The following BRSK2 variants were observed in gnomAD, a reference collection of about 807,000 sequenced individuals.
BRSK2 encodes serine/threonine-protein kinase BRSK2.
Under a neutral mutation model 83.3 loss-of-function variants are expected in BRSK2, and 19 were observed. The observed-to-expected ratio is 0.23, with a 90% confidence interval of 0.16 to 0.33. The LOEUF is 0.33. Ranked by LOEUF, BRSK2 falls within the 10% of genes least tolerant of loss-of-function variation. BRSK2 has a pLI of 1.00. For missense variants in BRSK2, 798 were observed against 1,042.3 expected (o/e 0.77, Z 3.23); for synonymous variants, 519 against 435.4 (o/e 1.19, Z -2.39).
intron 12 of BRSK2, among the ~76,000 whole-genome samples, chr11:1,448,429 CCTGCCCTGG>C (rs1197067349): frequency 6.6e-6 from 1 of 152,348 alleles, no homozygotes; most frequent in East Asian, 1.9e-4. Context: ...CCTCACTCTG[CCTGCCCTGG>C]CTGCCCTCAG....
chr11:1,447,651 C>G (rs566612956), intron 12 of BRSK2: 1 of 747,892 alleles, frequency 1.3e-6, no homozygotes, highest in Non-Finnish European at 2.3e-6. Context: ...GGTGTGCTGT[C>G]TGGCCCAGCC....
rs1847557470 is a variant in BRSK2 at position 1,461,991 on chromosome 11, A to G, written c.*1268A>G. On this transcript the variant is annotated 3_prime_UTR_variant, in exon 20 of 20. Transcript: ENST00000528841. ...AGCGCCCCTCTGTCAGGCTGGGGCA[A>G]TCTTGGTTTTGTGTCCAAAGGTGAA... 6.6e-6 allele frequency: 1 copy of G among 152,028 alleles called. No homozygotes were observed. Among genetic ancestry groups the G allele is most frequent in the African/African-American group, 2.4e-5 (1 of 41,382 alleles). 9.4% of individuals were successfully genotyped at this position (152,028 alleles called of 1,614,324 possible). A position where few individuals can be genotyped will look rare whatever the true frequency, so the allele number is the denominator to read the frequency against.
rs1850629640 is a variant in BRSK2 at position 1,438,429 on chromosome 11, G to A, written c.272+38G>A. The stretch of plus-strand genomic sequence containing the variant: ...GGGTCTGAAGAGCTGGGGTGGCGGA[G>A]GTGGCAGCTGTCGCTGCAGGGGTGG... On this transcript the variant is annotated intron_variant, in intron 3 of 19. Coordinates refer to ENST00000528841, the MANE Select transcript of BRSK2 (RefSeq NM_001256627.2). The surrounding 1 kb of genome is among the most constrained non-coding windows in gnomAD (Gnocchi z 6.4). The A allele has an allele frequency of 5.6e-6, 9 of 1,593,430 alleles. No homozygotes were observed. The highest frequency in any genetic ancestry group is 1.7e-5 in the Admixed American group (1 of 59,898).
At chr11:1,456,271 G>GCCCCAGGGCTGCCTCC in intron 16 of BRSK2, 77 bp from the exon 17 acceptor site, 1 of 1,405,140 alleles carries the variant, frequency 7.1e-7, no homozygotes, top group Non-Finnish European at 9.5e-7. Flanking sequence ...GGGCTGGCTC[G>GCCCCAGGGCTGCCTCC]CCCCAGGGCT....
rs918842450 is a variant in BRSK2, at chr11:1,462,642, CTG to C, written c.*1922_*1923del. ...CCCCTGCAGTGTACCCCTGTCATAA[CTG>C]TGAGCAGCTGCAGCTCCGGAACAAT... On this transcript the variant is annotated 3_prime_UTR_variant, in exon 20 of 20. Coordinates refer to ENST00000528841, the MANE Select transcript of BRSK2 (RefSeq NM_001256627.2). The C allele has an allele frequency of 2.6e-5, 4 of 152,324 alleles. No homozygotes were observed. The highest frequency in any genetic ancestry group is 4.4e-5 in the Non-Finnish European group (3 of 68,110). 9.4% of individuals were successfully genotyped at this position (152,324 alleles called of 1,614,324 possible).
At chr11:1,398,030 C>T (rs922380556) in intron 1 of BRSK2, among the ~76,000 whole-genome samples, 3 of 152,214 alleles carry the variant, frequency 2.0e-5, no homozygotes, top group Non-Finnish European at 2.9e-5. Context: ...GCATGATCCC[C>T]GTGATACAGC....
intron 16 of BRSK2, among the ~76,000 whole-genome samples, 173 bp from the exon 17 acceptor site, chr11:1,456,175 C>T (rs758624004): frequency 6.6e-6 from 1 of 152,132 alleles, no homozygotes; most frequent in Non-Finnish European, 1.5e-5. Context: ...CTGGAAACGC[C>T]CCTCCCCCTG....
chr11:1,448,406 C>T (rs1391901686), intron 12 of BRSK2, among the ~76,000 whole-genome samples: 2 of 152,184 alleles, frequency 1.3e-5, no homozygotes, highest in Non-Finnish European at 2.9e-5. Context: ...ACCTGGGACC[C>T]TCACCTGTGT....
chr11:1,439,314 G>T (rs963821308), intron 3 of BRSK2, among the ~76,000 whole-genome samples: 2 of 152,124 alleles, frequency 1.3e-5, no homozygotes, highest in Non-Finnish European at 2.9e-5. Flanking sequence ...CAGGTGGCCA[G>T]CTCGTGTGTA....
chr11:1,422,514 G>C (rs1848735269), intron 1 of BRSK2, among the ~76,000 whole-genome samples: 1 of 152,140 alleles, frequency 6.6e-6, no homozygotes, highest in African/African-American at 2.4e-5. Context: ...AGAGGGGCCT[G>C]TGCACCTCCT....
chr11:1,435,652 TG>T (rs577416196), intron 1 of BRSK2, among the ~76,000 whole-genome samples: 29 of 107,064 alleles, frequency 2.7e-4, no homozygotes, highest in African/African-American at 1.0e-3. Context: ...AGGCTGCAGG[TG>T]GGGGTCTCGG....
intron 1 of BRSK2, among the ~76,000 whole-genome samples, chr11:1,414,458 A>G (rs1338431803): frequency 6.6e-6 from 1 of 152,174 alleles, no homozygotes; most frequent in Non-Finnish European, 1.5e-5. Context: ...ATTAGAAGCT[A>G]AGGAGCCTCA....
At chr11:1,445,238 C>A in intron 9 of BRSK2, 56 bp from the exon 10 acceptor site, 2 of 1,549,312 alleles carry the variant, frequency 1.3e-6, no homozygotes, top group Non-Finnish European at 1.7e-6. Flanking sequence ...CCCACCCTCG[C>A]AGCCGCCCAG....
At chr11:1,433,415 C>T (rs896213998) in intron 1 of BRSK2, among the ~76,000 whole-genome samples, 1 of 152,252 alleles carries the variant, frequency 6.6e-6, no homozygotes, top group East Asian at 1.9e-4. Flanking sequence ...ATTTCTGGGT[C>T]ATTTCCTCCC....
intron 8 of BRSK2, among the ~76,000 whole-genome samples, chr11:1,444,483 G>A (rs570794372): frequency 1.2e-4 from 19 of 152,138 alleles, no homozygotes; most frequent in African/African-American, 3.6e-4. Flanking sequence ...CCTCCTGCCT[G>A]CACCTGCACC....
At chr11:1,406,898 G>A (rs1846914473) in intron 1 of BRSK2, among the ~76,000 whole-genome samples, 1 of 152,218 alleles carries the variant, frequency 6.6e-6, no homozygotes, top group African/African-American at 2.4e-5. Context: ...ATATCTGTGT[G>A]TCTGTGTGCG....
At chr11:1,455,429 G>A (rs1337724007) in intron 16 of BRSK2, among the ~76,000 whole-genome samples, 3 of 151,872 alleles carry the variant, frequency 2.0e-5, no homozygotes, top group Non-Finnish European at 2.9e-5. Flanking sequence ...GCCGTGGTTC[G>A]CTTCGGCAGC....
chr11:1,394,434 T>C (rs1216111786), intron 1 of BRSK2, among the ~76,000 whole-genome samples: 13 of 43,972 alleles, frequency 3.0e-4, no homozygotes, highest in Admixed American at 2.1e-4. Flanking sequence ...TGGAGATGGG[T>C]CCTGGAGATG....
intron 8 of BRSK2, 94 bp from the exon 9 acceptor site, chr11:1,444,877 G>C (rs923501606): frequency 3.5e-6 from 4 of 1,158,088 alleles, no homozygotes; most frequent in African/African-American, 3.1e-5. Flanking sequence ...TGCTCTCTCC[G>C]TGCTCCCAGC....
Sources: allele counts gnomAD v4.1 joint callset (sites outside exome capture counted in the v4.1 genomes callset), GRCh38; gene constraint gnomAD v4.1.1; non-coding constraint Gnocchi (gnomAD v3.1); transcripts MANE v1.5; gene names NCBI Gene and HGNC (gene_info 2026-07-23, HGNC 2026-07-21).